The following FIGN variants were observed in gnomAD, a reference collection of about 807,000 sequenced individuals.
FIGN encodes fidgetin.
Under a neutral mutation model 51.3 loss-of-function variants are expected in FIGN, and 11 were observed. That is an observed-to-expected ratio of 0.21 (90% CI 0.13 to 0.35). FIGN has a LOEUF of 0.35. Ranked by LOEUF, FIGN falls within the 10% of genes least tolerant of loss-of-function variation. The probability of loss-of-function intolerance (pLI) is 1.00; values close to 1 mark genes in which losing one functional copy is unlikely to be tolerated. For synonymous variants in FIGN, 407 were observed against 363.2 expected, an observed-to-expected ratio of 1.12 and a Z score of -1.37; for missense variants, 857 against 943.6, an observed-to-expected ratio of 0.91 and a Z score of 1.20.
intron 2 of FIGN, among the ~76,000 whole-genome samples, chr2:163,637,667 C>CTTT (rs567105298): frequency 6.9e-6 from 1 of 145,724 alleles, no homozygotes; most frequent in African/African-American, 2.5e-5. Flanking sequence ...AATTATTTAA[C>CTTT]TTTTTTTTTT....
intron 2 of FIGN, among the ~76,000 whole-genome samples, chr2:163,676,400 A>C (rs1410088570): frequency 6.9e-6 from 1 of 144,488 alleles, no homozygotes; most frequent in African/African-American, 2.5e-5. Context: ...ACTAAAATGA[A>C]AATATATAAT....
At chr2:163,656,122 T>A (rs1432109030) in intron 2 of FIGN, among the ~76,000 whole-genome samples, 1 of 152,136 alleles carries the variant, frequency 6.6e-6, no homozygotes, top group Non-Finnish European at 1.5e-5. Context: ...CCAAGACTCT[T>A]AAGGTTTAAA....
intron 2 of FIGN, among the ~76,000 whole-genome samples, chr2:163,679,393 G>A (rs1684022584): frequency 1.3e-5 from 2 of 152,076 alleles, no homozygotes; most frequent in South Asian, 2.1e-4. Context: ...TTACTTGGGA[G>A]GCTGAGGCAG....
chr2:163,733,094 T>C (rs1178239844), intron 2 of FIGN, among the ~76,000 whole-genome samples: 1 of 152,178 alleles, frequency 6.6e-6, no homozygotes, highest in Non-Finnish European at 1.5e-5. Flanking sequence ...GTCTACTTTA[T>C]ATATATGTAT....
At chr2:163,723,845 C>T (rs960103951) in intron 2 of FIGN, among the ~76,000 whole-genome samples, 10 of 152,126 alleles carry the variant, frequency 6.6e-5, no homozygotes, top group African/African-American at 2.2e-4. Flanking sequence ...TTGCATGCAA[C>T]CAATTAGTAA....
intron 2 of FIGN, among the ~76,000 whole-genome samples, chr2:163,649,942 A>C (rs977780444): frequency 2.6e-5 from 4 of 152,192 alleles, no homozygotes; most frequent in African/African-American, 9.7e-5. Context: ...TCTGAGTACC[A>C]TTATTGCCCA....
rs1691084208 is a variant in FIGN at position 163,605,346 on chromosome 2, T to C, written c.*4206A>G. ...AGTTCATGTGTTGGTTAGTCACAAG[T>C]ACAGCTGGTTGTGAATTCTGAAATA... is the stretch of plus-strand genomic sequence containing the variant. On this transcript the variant is annotated 3_prime_UTR_variant, in exon 3 of 3. Transcript: ENST00000333129. The C allele has an allele frequency of 6.6e-6, 1 of 152,086 alleles. No homozygotes were observed. The highest frequency in any genetic ancestry group is 1.5e-5 in the Non-Finnish European group (1 of 68,002). 9.4% of individuals were successfully genotyped at this position (152,086 alleles called of 1,614,324 possible).
intron 2 of FIGN, among the ~76,000 whole-genome samples, chr2:163,633,038 G>T (rs539828225): frequency 1.3e-5 from 2 of 151,984 alleles, no homozygotes; most frequent in Admixed American, 6.6e-5. Flanking sequence ...TTTAAAATTC[G>T]CCAGGTGTGG....
At chr2:163,651,219 T>A (rs756438980) in intron 2 of FIGN, among the ~76,000 whole-genome samples, 12 of 152,084 alleles carry the variant, frequency 7.9e-5, no homozygotes, top group Non-Finnish European at 1.8e-4. Flanking sequence ...TCCCAGCCCT[T>A]TGGGAGGCCA....
rs200826431 is a variant in FIGN, at chr2:163,672,251, T to TAAA, written c.26-60448_26-60446dup. ...AGATAACAAGTTATTTCAATGGCTC[T>TAAA]AAAAAAAAAAAAAAACTACTTCGTT... On this transcript the variant is annotated intron_variant, in intron 2 of 2. Transcript: ENST00000333129. Among the ~76,000 whole-genome samples the TAAA allele has an allele frequency of 2.2e-4, 31 of 143,650 alleles. 1 individual carries two copies. Among genetic ancestry groups the TAAA allele is most frequent in the South Asian group, 4.5e-4 (2 of 4,462 alleles). The allele number at this position is 143,650 out of a possible 152,430, so 94.2% of individuals were successfully genotyped here.
At chr2:163,719,286 T>C (rs1014263721) in intron 2 of FIGN, among the ~76,000 whole-genome samples, 16 of 152,166 alleles carry the variant, frequency 1.1e-4, no homozygotes, top group African/African-American at 3.1e-4. Flanking sequence ...TACATCTACA[T>C]TACTTTGATT....
rs1559012533 is a variant in FIGN at position 163,660,840 on chromosome 2, TAC to T, written c.26-49036_26-49035del. Reference sequence around the variant, plus strand: ...ATATACATATATATGTATACATATATACATATATATATGTATACATATATATA... The same window carrying T: ...ATATACATATATATGTATACATATATATATATATATGTATACATATATATA... On this transcript the variant is annotated intron_variant, in intron 2 of 2. Coordinates refer to ENST00000333129, the MANE Select transcript of FIGN (RefSeq NM_018086.4). Among the ~76,000 whole-genome samples, 9 of 87,574 alleles carry T rather than the reference TAC, an allele frequency of 1.0e-4. 4 individuals are homozygous for T. The highest frequency in any genetic ancestry group is 3.3e-4 in the Admixed American group (2 of 6,100). The allele number at this position is 87,574 out of a possible 152,430, so 57.5% of individuals were successfully genotyped here.
intron 2 of FIGN, among the ~76,000 whole-genome samples, chr2:163,631,078 G>C (rs1210482950): frequency 6.6e-6 from 1 of 152,062 alleles, no homozygotes; most frequent in Admixed American, 6.5e-5. Flanking sequence ...AGTTATTCTA[G>C]GAGGGCAACT....
rs66956230 is a variant in FIGN at position 163,634,089 on chromosome 2, C to CGTGTGTGT, written c.26-22291_26-22284dup. On this transcript the variant is annotated intron_variant, in intron 2 of 2. Coordinates refer to ENST00000333129, the MANE Select transcript of FIGN (RefSeq NM_018086.4). ...CAATTCTTTTCTGTACGTATGTATGCGTGTGTGTGTGTGTGTGTGTGTGTG... is the reference window on the plus strand; with the variant it reads ...CAATTCTTTTCTGTACGTATGTATGCGTGTGTGTGTGTGTGTGTGTGTGTGTGTGTGTG... Among the ~76,000 whole-genome samples, 588 of 145,484 alleles carry CGTGTGTGT rather than the reference C, an allele frequency of 4.0e-3. 3 individuals carry two copies. The highest frequency in any genetic ancestry group is 0.015 in the East Asian group (71 of 4,852).
chr2:163,645,999 T>C (rs1182682474), intron 2 of FIGN, among the ~76,000 whole-genome samples: 1 of 152,202 alleles, frequency 6.6e-6, no homozygotes, highest in African/African-American at 2.4e-5. Flanking sequence ...ATGCAGCAAA[T>C]TCCACTGCAA....
Position 163,634,795 on chromosome 2 carries a change from C to T in FIGN, c.26-22989G>A, listed in dbSNP as rs189073478. Among the ~76,000 whole-genome samples the T allele has an allele frequency of 5.9e-5, 9 of 152,254 alleles. No homozygotes were observed. In the East Asian group the frequency reaches 1.4e-3, roughly 23 times the overall value. On this transcript the variant is annotated intron_variant, in intron 2 of 2. Transcript: ENST00000333129. Reference sequence around the variant, plus strand: ...GTGTTATAACTCTCTTATAATAAATCGCTAGGTAAGAATTCCTCAGCCAAA... The same window carrying T: ...GTGTTATAACTCTCTTATAATAAATTGCTAGGTAAGAATTCCTCAGCCAAA...
At chr2:163,691,235 C>T (rs575386954) in intron 2 of FIGN, among the ~76,000 whole-genome samples, 1 of 152,280 alleles carries the variant, frequency 6.6e-6, no homozygotes, top group East Asian at 1.9e-4. Context: ...AGACTGCACA[C>T]TGTTTGTAAA....
rs148203163 is a variant in FIGN, at chr2:163,669,288, G to T, written c.26-57482C>A. Among the ~76,000 whole-genome samples the T allele has an allele frequency of 3.2e-4, 49 of 152,158 alleles. 1 individual carries two copies. The East Asian group carries it at 9.3e-3, about 29-fold the overall frequency. Reference sequence around the variant, plus strand: ...TGCAGTGGCCCAATTACAACTCACTGCAGCCTTCAACCTCTCAGGCTCAAG... The same window carrying T: ...TGCAGTGGCCCAATTACAACTCACTTCAGCCTTCAACCTCTCAGGCTCAAG... On this transcript the variant is annotated intron_variant, in intron 2 of 2. Coordinates refer to ENST00000333129, the MANE Select transcript of FIGN (RefSeq NM_018086.4).
At chr2:163,640,883 A>C (rs552104124) in intron 2 of FIGN, among the ~76,000 whole-genome samples, 11 of 152,310 alleles carry the variant, frequency 7.2e-5, no homozygotes, top group South Asian at 2.1e-4. Flanking sequence ...AAGTCTCCTA[A>C]ATAGTGATAA....
Sources: allele counts gnomAD v4.1 joint callset (sites outside exome capture counted in the v4.1 genomes callset), GRCh38; gene constraint gnomAD v4.1.1; transcripts MANE v1.5; gene names NCBI Gene and HGNC (gene_info 2026-07-23, HGNC 2026-07-21).